Variants in DOCK2 observed in about 807,000 individuals in gnomAD.
DOCK2 encodes the protein dedicator of cytokinesis protein 2.
Under a neutral mutation model 248.9 loss-of-function variants are expected in DOCK2, and 87 were observed. That is an observed-to-expected ratio of 0.35 (90% CI 0.29 to 0.42). The LOEUF (loss-of-function observed/expected upper bound fraction) is 0.42, where lower values mean the gene tolerates loss of function less well. DOCK2 is among the 10% of genes least tolerant of loss of function. The pLI is 1.00. For synonymous variants in DOCK2, 805 were observed against 821.6 expected (o/e 0.98, Z 0.35); for missense variants, 1,747 against 2,300.2 (o/e 0.76, Z 4.92).
At chr5:169,886,691 G>A (rs559917927) in intron 27 of DOCK2, among the ~76,000 whole-genome samples, 7 of 152,286 alleles carry the variant, frequency 4.6e-5, no homozygotes, top group East Asian at 1.9e-4. Flanking sequence ...TGAGATGGTC[G>A]CATGCTTAAA....
intron 25 of DOCK2, among the ~76,000 whole-genome samples, chr5:169,790,575 G>A (rs1766273762): frequency 6.6e-6 from 1 of 152,186 alleles, no homozygotes; most frequent in Non-Finnish European, 1.5e-5. Flanking sequence ...ATAGCTTTAA[G>A]TCCACTTTAT....
chr5:170,000,221 T>A (rs1029015227), intron 30 of DOCK2: 1 of 152,216 alleles, frequency 6.6e-6, no homozygotes, highest in Non-Finnish European at 1.5e-5. Flanking sequence ...GATCTTGGAA[T>A]CTTGATAGAA....
intron 32 of DOCK2, among the ~76,000 whole-genome samples, chr5:170,013,850 G>A (rs185733514): frequency 6.4e-4 from 97 of 152,244 alleles, no homozygotes; most frequent in African/African-American, 1.9e-3. Context: ...GTTAAAACCC[G>A]AATCAGGTTA....
At chr5:169,842,040 A>G (rs924115499) in intron 27 of DOCK2, among the ~76,000 whole-genome samples, 1 of 152,202 alleles carries the variant, frequency 6.6e-6, no homozygotes, top group Non-Finnish European at 1.5e-5. Flanking sequence ...GTGGGATTGG[A>G]CCATATAGTT....
At chr5:170,050,188 C>A (rs1439706694) in intron 40 of DOCK2, 68 bp from the exon 41 acceptor site, 2 of 1,578,916 alleles carry the variant, frequency 1.3e-6, no homozygotes, top group African/African-American at 2.7e-5. Flanking sequence ...ACAAGCTCCC[C>A]AGCTTTGCTT....
chr5:169,757,825 C>A (rs929337468), intron 23 of DOCK2, among the ~76,000 whole-genome samples: 34 of 152,090 alleles, frequency 2.2e-4, no homozygotes, highest in African/African-American at 7.7e-4. Flanking sequence ...AAAAGATGCT[C>A]AACCATACTA....
intron 26 of DOCK2, among the ~76,000 whole-genome samples, chr5:169,831,729 A>T (rs1293383402): frequency 6.6e-6 from 1 of 152,234 alleles, no homozygotes; most frequent in Non-Finnish European, 1.5e-5. Context: ...GCCACATATT[A>T]AAAACTCAAA....
intron 25 of DOCK2, among the ~76,000 whole-genome samples, chr5:169,776,174 A>AATATAT (rs10657686): frequency 6.8e-6 from 1 of 146,028 alleles, no homozygotes; most frequent in Admixed American, 6.9e-5. Flanking sequence ...TATTTATATA[A>AATATAT]ATATATATAT....
At chr5:169,766,627 G>T (rs440667) in intron 25 of DOCK2, among the ~76,000 whole-genome samples, 28,659 of 152,028 alleles carry the variant, frequency 0.19, 3,765 homozygotes, top group Admixed American at 0.33. Flanking sequence ...CTGGGTCGAG[G>T]GGTAGTTCTG....
intron 23 of DOCK2, among the ~76,000 whole-genome samples, chr5:169,755,454 A>G (rs1764143060): frequency 6.6e-6 from 1 of 152,222 alleles, no homozygotes. Flanking sequence ...AGTAAAAATA[A>G]TAGAACGGCT....
At chr5:169,789,299 A>G (rs1346980762) in intron 25 of DOCK2, among the ~76,000 whole-genome samples, 1 of 152,242 alleles carries the variant, frequency 6.6e-6, no homozygotes, top group Admixed American at 6.5e-5. Flanking sequence ...AATTGTGAAT[A>G]GTGCTGCAAT....
intron 47 of DOCK2, among the ~76,000 whole-genome samples, chr5:170,077,411 C>G (rs1331880403): frequency 3.3e-5 from 5 of 152,196 alleles, no homozygotes; most frequent in African/African-American, 9.7e-5. Flanking sequence ...CAGGAGCCAT[C>G]TTATTAGCAT....
intron 2 of DOCK2, among the ~76,000 whole-genome samples, chr5:169,657,965 T>G (rs754104307): frequency 1.3e-5 from 2 of 152,048 alleles, no homozygotes; most frequent in Non-Finnish European, 2.9e-5. Flanking sequence ...GGGAGGAGAA[T>G]GGAAGATAAT....
chr5:169,850,819 C>T (rs557911978), intron 27 of DOCK2, among the ~76,000 whole-genome samples: 63 of 152,298 alleles, frequency 4.1e-4, no homozygotes, highest in African/African-American at 1.4e-3. Context: ...GTAGACTTCA[C>T]GGAACTGGAA....
intron 26 of DOCK2, among the ~76,000 whole-genome samples, chr5:169,828,714 C>T (rs1769031956): frequency 3.3e-5 from 5 of 152,212 alleles, no homozygotes; most frequent in Admixed American, 3.3e-4. Context: ...TTGAAGAAAT[C>T]TGTGCCCAGA....
intron 25 of DOCK2, among the ~76,000 whole-genome samples, chr5:169,775,774 G>T (rs1394032243): frequency 6.6e-6 from 1 of 151,884 alleles, no homozygotes; most frequent in African/African-American, 2.4e-5. Context: ...GAACATGAAA[G>T]GCCAGTGTAT....
At chr5:169,847,724 TGGGGATGGC>T (rs2113360475) in intron 27 of DOCK2, among the ~76,000 whole-genome samples, 1 of 152,312 alleles carries the variant, frequency 6.6e-6, no homozygotes, top group African/African-American at 2.4e-5. Flanking sequence ...CCTGGCTGAT[TGGGGATGGC>T]TGCCTGTAGA....
chr5:169,650,834 G>C (rs982686337), intron 1 of DOCK2, among the ~76,000 whole-genome samples: 2 of 152,174 alleles, frequency 1.3e-5, no homozygotes, highest in Non-Finnish European at 2.9e-5. Context: ...GAGAGGTCAA[G>C]TCTTTCCTAG....
chr5:169,720,458 C>T (rs905409372), intron 22 of DOCK2, among the ~76,000 whole-genome samples: 3 of 151,844 alleles, frequency 2.0e-5, no homozygotes, highest in African/African-American at 4.8e-5. Context: ...CCCTTCCTCC[C>T]TCCCTTTCTT....
Sources: gnomAD v4.1 joint callset for allele counts (sites outside exome capture counted in the v4.1 genomes callset) on GRCh38, gnomAD v4.1.1 for gene constraint, MANE v1.5 for transcripts, NCBI Gene and HGNC (gene_info 2026-07-23, HGNC 2026-07-21) for gene names.